The following CACNG7 variants were observed in gnomAD, a reference collection of about 807,000 sequenced individuals.
CACNG7 encodes the protein calcium voltage-gated channel auxiliary subunit gamma 7, also known as voltage-dependent calcium channel gamma-7 subunit.
Under a neutral mutation model 26.3 loss-of-function variants are expected in CACNG7, and 9 were observed. The observed-to-expected ratio is 0.34, with a 90% CI of 0.21 to 0.60. The LOEUF is 0.60. Among genes scored for constraint, CACNG7 ranks in the 20% least tolerant of loss-of-function variants. The pLI is 0.81. For missense variants in CACNG7, 297 were observed against 380.4 expected (o/e 0.78, Z 1.82); for synonymous variants, 170 against 157.0 (o/e 1.08, Z -0.62).
At chr19:53,913,763 G>T (rs1192236865) in intron 2 of CACNG7, among the ~76,000 whole-genome samples, 1 of 133,548 alleles carries the variant, frequency 7.5e-6, no homozygotes, top group Non-Finnish European at 1.5e-5. Flanking sequence ...CAACCTGGGT[G>T]ACAGAGCAAA....
chr19:53,911,599 G>A (rs896394622), intron 1 of CACNG7, among the ~76,000 whole-genome samples: 5 of 152,072 alleles, frequency 3.3e-5, no homozygotes, highest in African/African-American at 1.2e-4. Flanking sequence ...GAGAAGGGAC[G>A]AGGTCCCAGC....
intron 2 of CACNG7, among the ~76,000 whole-genome samples, chr19:53,913,738 G>T (rs144783406): frequency 1.4e-5 from 2 of 148,074 alleles, no homozygotes; most frequent in East Asian, 4.0e-4. Flanking sequence ...GAGCTATGAC[G>T]GTGCTGCTGT....
rs140511023 is a variant in CACNG7, at chr19:53,931,001, G to C, written c.425-10469G>C. On this transcript the variant is annotated intron_variant, in intron 4 of 5. Coordinates refer to ENST00000391767, the MANE Select transcript of CACNG7 (RefSeq NM_031896.5). ...ACTTGAGCTCAGGAGTTCAAAACCA[G>C]CCTGGGCAACATGGTAAAATCCCGT... Among the ~76,000 whole-genome samples, 384 of 152,174 alleles carry C rather than the reference G, an allele frequency of 2.5e-3. 1 individual carries two copies. Among genetic ancestry groups the C allele is most frequent in the African/African-American group, 8.6e-3 (357 of 41,554 alleles).
chr19:53,915,600 T>G, intron 4 of CACNG7, 95 bp downstream of exon 4: 1 of 1,392,064 alleles, frequency 7.2e-7, no homozygotes, highest in East Asian at 2.4e-5. Context: ...CTGTGTGGCC[T>G]GGGAGGAGGT....
At chr19:53,916,802 T>C (rs1245245421) in intron 4 of CACNG7, among the ~76,000 whole-genome samples, 1 of 147,716 alleles carries the variant, frequency 6.8e-6, no homozygotes, top group Non-Finnish European at 1.5e-5. Context: ...GCCTGGCTTT[T>C]TTTTTTTTTT....
intron 4 of CACNG7, among the ~76,000 whole-genome samples, chr19:53,941,244 A>G (rs2069135606): frequency 6.6e-6 from 1 of 151,996 alleles, no homozygotes; most frequent in Non-Finnish European, 1.5e-5. Flanking sequence ...TTCCTTCTCC[A>G]ATTGTATTGT....
chr19:53,928,202 G>A lies in CACNG7; in HGVS notation c.424+12697G>A, dbSNP rs149333493. Among the ~76,000 whole-genome samples the A allele has an allele frequency of 7.3e-3, 1,114 of 152,248 alleles. 7 individuals carry two copies. Among genetic ancestry groups the A allele is most frequent in the Non-Finnish European group, 0.013 (863 of 68,026 alleles). On this transcript the variant is annotated intron_variant, in intron 4 of 5. Transcript: ENST00000391767. Reference sequence around the variant, plus strand: ...AAAAGAAAACAAAATCTCTTCCTCGGTGGAAATATTTCTTTCTTTCTCATC... The same window carrying A: ...AAAAGAAAACAAAATCTCTTCCTCGATGGAAATATTTCTTTCTTTCTCATC...
chr19:53,918,111 G>A (rs761931289), intron 4 of CACNG7, among the ~76,000 whole-genome samples: 2 of 152,234 alleles, frequency 1.3e-5, no homozygotes, highest in Non-Finnish European at 2.9e-5. Flanking sequence ...AGCTTGGGGT[G>A]TATAGTGGCT....
At chr19:53,914,089 C>T (rs1280700845) in intron 2 of CACNG7, among the ~76,000 whole-genome samples, 1 of 151,964 alleles carries the variant, frequency 6.6e-6, no homozygotes, top group East Asian at 1.9e-4. Flanking sequence ...GTCTGGCCAA[C>T]ATGGTGAAAC....
intron 4 of CACNG7, among the ~76,000 whole-genome samples, chr19:53,927,108 C>T (rs958674881): frequency 1.2e-4 from 18 of 151,940 alleles, no homozygotes; most frequent in Non-Finnish European, 2.6e-4. Context: ...TTAGTAGAGA[C>T]GGGATTCCAC....
chr19:53,928,686 C>T (rs1433851926), intron 4 of CACNG7, among the ~76,000 whole-genome samples: 2 of 152,134 alleles, frequency 1.3e-5, no homozygotes, highest in Non-Finnish European at 1.5e-5. Context: ...CAGCCTGGAA[C>T]GACAGGCTGA....
intron 4 of CACNG7, among the ~76,000 whole-genome samples, chr19:53,922,903 C>T (rs75665210): frequency 1.3e-4 from 9 of 68,814 alleles, no homozygotes; most frequent in Non-Finnish European, 1.9e-4. Context: ...GGTGGAGTTG[C>T]CCCAGGCCTG....
chr19:53,919,550 T>A (rs575311922), intron 4 of CACNG7, among the ~76,000 whole-genome samples: 1 of 132,354 alleles, frequency 7.6e-6, no homozygotes, highest in African/African-American at 3.1e-5. Context: ...TGGTCATTGG[T>A]GGAGTTGCCC....
At position 53,921,710 on chromosome 19, in the gene CACNG7, G is replaced by A. The variant is rs535685676; in HGVS notation, c.424+6205G>A. ...CTTGCCCCAGGTCTGGTCATTGGTG[G>A]AGCTGTCCCAGGCTGGTCATTGGTG... On this transcript the variant is annotated intron_variant, in intron 4 of 5. Transcript: ENST00000391767. 4.4e-5 allele frequency among the ~76,000 whole-genome samples: 5 copies of A among 113,860 alleles called. No homozygotes were observed. The South Asian group carries it at 1.4e-3, about 31-fold the overall frequency. The allele number at this position is 113,860 out of a possible 152,430, so 74.7% of individuals were successfully genotyped here. A position where few individuals can be genotyped will look rare whatever the true frequency, so the allele number is the denominator to read the frequency against.
rs1379838699 is a variant in CACNG7, at chr19:53,941,634, A to G, written c.570+19A>G. ...CAAAGAGGTGACGTCCGTGGGACCT[A>G]GACTCTAGAGTTCTGAATGGAGAGA... On this transcript the variant is annotated intron_variant, in intron 5 of 5. Coordinates refer to ENST00000391767, the MANE Select transcript of CACNG7 (RefSeq NM_031896.5). The G allele has an allele frequency of 6.2e-7, 1 of 1,607,750 alleles. No homozygotes were observed. Among genetic ancestry groups the G allele is most frequent in the Admixed American group, 1.7e-5 (1 of 58,012 alleles).
rs1198221736 is a variant in CACNG7 at position 53,915,431 on chromosome 19, T to C, written c.350T>C (p.Ile117Thr). ...TTCCTCGTGTTCACGGCCTTCGTCA[T>C]CAGCAACATCGGCCACATCCGCCCG... ...SLFLVFTAFV[I>T]SNIGHIRPQR... The change falls in exon 4 of 6, where the codon ATC becomes ACC. Residue 117 changes from isoleucine (I) to threonine (T), a missense_variant. Transcript: ENST00000391767. 1 of 1,614,022 alleles carries C rather than the reference T, an allele frequency of 6.2e-7. No individual in the cohort carries two copies.
intron 4 of CACNG7, among the ~76,000 whole-genome samples, chr19:53,932,174 A>C (rs2069077334): frequency 6.6e-6 from 1 of 151,100 alleles, no homozygotes; most frequent in Non-Finnish European, 1.5e-5. Flanking sequence ...AATCGCTTTG[A>C]ACCCAGGAGA....
chr19:53,941,597 C>G lies in CACNG7; in HGVS notation c.552C>G (p.Ser184=). 6.2e-7 allele frequency: 1 copy of G among 1,612,062 alleles called. No homozygotes were observed. Among genetic ancestry groups the G allele is most frequent in the Non-Finnish European group, 8.5e-7 (1 of 1,179,204 alleles). Residue 184 remains serine, a synonymous_variant, in exon 5 of 6, where the codon TCC becomes TCG. Transcript: ENST00000391767. Reference sequence around the variant, plus strand: ...GGTGGTCTTTTGCCTTCGCCGCTTCCTCCTTCCTACTCAAAGAGGTGACGT... The same window carrying G: ...GGTGGTCTTTTGCCTTCGCCGCTTCGTCCTTCCTACTCAAAGAGGTGACGT... ...RYGWSFAFAA[S]SFLLKEGAGV...
chr19:53,931,247 A>C (rs2145915425), intron 4 of CACNG7, among the ~76,000 whole-genome samples: 1 of 152,340 alleles, frequency 6.6e-6, no homozygotes, highest in Middle Eastern at 3.4e-3. Flanking sequence ...TAACTACAAC[A>C]ACATTATCAG....
Sources: gnomAD v4.1 joint callset for allele counts (sites outside exome capture counted in the v4.1 genomes callset) on GRCh38, gnomAD v4.1.1 for gene constraint, MANE v1.5 for transcripts, NCBI Gene and HGNC (gene_info 2026-07-23, HGNC 2026-07-21) for gene names.